TTC23L: variants seen among roughly 807,000 people sequenced by gnomAD.
The protein encoded by TTC23L is tetratricopeptide repeat protein 23-like.
Under a neutral mutation model 48.1 loss-of-function variants are expected in TTC23L, and 42 were observed. The observed-to-expected ratio is 0.87, with a 90% CI of 0.68 to 1.13. The LOEUF (loss-of-function observed/expected upper bound fraction) is 1.13, where lower values mean the gene tolerates loss of function less well. TTC23L is among the 50% of genes most tolerant of loss of function. The pLI is 0.00. For synonymous variants in TTC23L, 159 were observed against 157.2 expected, an observed-to-expected ratio of 1.01 and a Z score of -0.09; for missense variants, 391 against 421.0, an observed-to-expected ratio of 0.93 and a Z score of 0.62.
chr5:34,924,807 CGT>C, the TTC23L span: 1 of 1,477,272 alleles, frequency 6.8e-7, no homozygotes, highest in Non-Finnish European at 9.4e-7. Flanking sequence ...TTGGGAATAA[CGT>C]AACCAAACCA....
At chr5:34,910,314 C>T in the TTC23L span, among the ~76,000 whole-genome samples, 1 of 152,162 alleles carries the variant, frequency 6.6e-6, no homozygotes, top group African/African-American at 2.4e-5. Flanking sequence ...GAATTTTTTA[C>T]TTCATTCCAC....
At chr5:34,914,551 A>G in the TTC23L span, 2 of 752,262 alleles carry the variant, frequency 2.7e-6, no homozygotes, top group African/African-American at 1.8e-5. Context: ...ACTTAAGACT[A>G]TTATTTATTT....
intron 8 of TTC23L, among the ~76,000 whole-genome samples, chr5:34,879,736 G>C (rs775685971): frequency 5.3e-5 from 8 of 152,064 alleles, no homozygotes; most frequent in Non-Finnish European, 1.2e-4. Context: ...GGTGGCTCAT[G>C]CCTGTGATCC....
intron 8 of TTC23L, among the ~76,000 whole-genome samples, chr5:34,879,788 G>A (rs1762094831): frequency 6.6e-6 from 1 of 152,174 alleles, no homozygotes; most frequent in African/African-American, 2.4e-5. Context: ...ACGAGGTCAA[G>A]AGATTGAGAC....
intron 2 of TTC23L, among the ~76,000 whole-genome samples, chr5:34,845,158 G>A (rs1759002452): frequency 2.0e-5 from 3 of 152,168 alleles, no homozygotes; most frequent in Admixed American, 6.5e-5. Context: ...TGATTTATGA[G>A]TATTATCTCA....
In TTC23L at chr5:34,862,811, C is replaced by T. The variant is rs1760777254; in HGVS notation, c.380-87C>T. 21 of 1,512,130 alleles carry T rather than the reference C, an allele frequency of 1.4e-5. No individual in the cohort carries two copies. The East Asian group carries it at 3.0e-4, about 21-fold the overall frequency. 93.7% of individuals were successfully genotyped at this position (1,512,130 alleles called of 1,614,324 possible). A position where few individuals can be genotyped will look rare whatever the true frequency, so the allele number is the denominator to read the frequency against. On this transcript the variant is annotated intron_variant, in intron 4 of 10. Transcript: ENST00000505624. ...TAGACCATACGACAACTGCACTGCC[C>T]ACTTTATCCCCTCCCAGGAATGTTT... is the stretch of plus-strand genomic sequence containing the variant.
At chr5:34,887,208 G>A (rs1580482334) in intron 9 of TTC23L, among the ~76,000 whole-genome samples, 1 of 152,258 alleles carries the variant, frequency 6.6e-6, no homozygotes, top group East Asian at 1.9e-4. Flanking sequence ...AACTCATTTT[G>A]AAGATTCAGA....
At chr5:34,900,330 A>C (rs977841914), downstream of TTC23L, among the ~76,000 whole-genome samples, 3 of 152,058 alleles carry the variant, frequency 2.0e-5, no homozygotes, top group African/African-American at 7.2e-5. Context: ...AGAAAGGCAA[A>C]GGTTATTAAG....
the TTC23L span, chr5:34,925,628 T>A: frequency 2.9e-6 from 2 of 684,664 alleles, no homozygotes; most frequent in Non-Finnish European, 4.5e-6. Flanking sequence ...ATTAAGATCT[T>A]AAAATCAGTG....
chr5:34,905,397 TAGC>T, the TTC23L span: 3 of 152,226 alleles, frequency 2.0e-5, no homozygotes, highest in Admixed American at 2.0e-4. Flanking sequence ...TCTGCCCTTT[TAGC>T]AATTTTAATT....
chr5:34,920,657 A>G, the TTC23L span: 1 of 152,212 alleles, frequency 6.6e-6, no homozygotes, highest in South Asian at 2.1e-4. Flanking sequence ...CTGAGGCTAC[A>G]CCGGAAAAAC....
intron 4 of TTC23L, among the ~76,000 whole-genome samples, chr5:34,854,856 G>A (rs1759990282): frequency 6.6e-6 from 1 of 152,180 alleles, no homozygotes; most frequent in African/African-American, 2.4e-5. Context: ...TGAACTACCT[G>A]GGGACATAAC....
chr5:34,845,289 T>A (rs375237611), intron 2 of TTC23L, among the ~76,000 whole-genome samples, 198 bp from the exon 3 acceptor site: 1 of 152,246 alleles, frequency 6.6e-6, no homozygotes, highest in African/African-American at 2.4e-5. Flanking sequence ...ATAAATCGGC[T>A]TCTTCTGAAC....
chr5:34,890,300 C>T (rs568773334), intron 9 of TTC23L, among the ~76,000 whole-genome samples: 3 of 151,684 alleles, frequency 2.0e-5, no homozygotes, highest in African/African-American at 7.2e-5. Flanking sequence ...TAAAAATTAG[C>T]CAGGTGTGGT....
At chr5:34,842,617 T>C (rs1479888166) in intron 2 of TTC23L, among the ~76,000 whole-genome samples, 1 of 152,156 alleles carries the variant, frequency 6.6e-6, no homozygotes, top group Non-Finnish European at 1.5e-5. Flanking sequence ...GGTCAGCTGC[T>C]TAGTCCAGAG....
chr5:34,901,399 T>C (rs1470406751), downstream of TTC23L, among the ~76,000 whole-genome samples: 1 of 152,184 alleles, frequency 6.6e-6, no homozygotes, highest in African/African-American at 2.4e-5. Flanking sequence ...CTGAAACACT[T>C]ACCCTGATCT....
chr5:34,877,014 A>C (rs991025755), intron 8 of TTC23L, among the ~76,000 whole-genome samples: 2 of 152,226 alleles, frequency 1.3e-5, no homozygotes, highest in African/African-American at 4.8e-5. Flanking sequence ...ATTTAAAAAA[A>C]AACAAAACTG....
chr5:34,869,136 C>T, intron 8 of TTC23L, 123 bp downstream of exon 8: 2 of 715,320 alleles, frequency 2.8e-6, no homozygotes, highest in Non-Finnish European at 4.8e-6. Flanking sequence ...AGGTGGGTCA[C>T]AGTCTCATAC....
rs1759054150 is a variant in TTC23L, at chr5:34,845,665, G to A, written c.247G>A (p.Glu83Lys). 1 of 1,596,208 alleles carries A rather than the reference G, an allele frequency of 6.3e-7. No individual in the cohort carries two copies. The highest frequency in any genetic ancestry group is 1.8e-5 in the Admixed American group (1 of 54,294). ...GAAGAAAGTAGCTCAGCTGATTAAG[G>A]AAAAAATGGTAAAACAAAAAACTCA... Residue 83 changes from glutamate to lysine, a missense_variant, in exon 3 of 11, where the codon GAA becomes AAA. Glu to Lys is a moderately conservative substitution (Grantham distance 56). Coordinates refer to ENST00000505624, the Ensembl canonical transcript of TTC23L.
Sources: gnomAD v4.1 joint callset for allele counts (sites outside exome capture counted in the v4.1 genomes callset) on GRCh38, gnomAD v4.1.1 for gene constraint, MANE v1.5 for transcripts, NCBI Gene and HGNC (gene_info 2026-07-23, HGNC 2026-07-21) for gene names.